Variants in CENPK observed in about 807,000 individuals in gnomAD.
The protein encoded by CENPK is SoxLZ/Sox6-binding protein Solt.
CENPK carries 46 observed loss-of-function variants against 40.9 expected under a neutral mutation model. That is an observed-to-expected ratio of 1.13 (90% CI 0.89 to 1.44). The LOEUF is 1.44. Ranked by LOEUF, CENPK falls within the 40% of genes most tolerant of loss-of-function variation. The probability of loss-of-function intolerance (pLI) is 0.00; values close to 1 mark genes in which losing one functional copy is unlikely to be tolerated. For missense variants in CENPK, 288 were observed against 303.5 expected (o/e 0.95, Z 0.38); for synonymous variants, 107 against 104.4 (o/e 1.02, Z -0.15).
chr5:65,521,624 G>T, intron 9 of CENPK, 96 bp from the exon 10 acceptor site: 1 of 870,704 alleles, frequency 1.1e-6, no homozygotes, highest in Non-Finnish European at 1.8e-6. Context: ...TTCTGAGACA[G>T]AGTTTCATTC....
At chr5:65,555,039 A>G (rs1271909121) in intron 2 of CENPK, 93 bp from the exon 3 acceptor site, 2 of 644,168 alleles carry the variant, frequency 3.1e-6, no homozygotes, top group African/African-American at 3.7e-5. Flanking sequence ...ATAGCAATGA[A>G]CAAAATAGAC....
chr5:65,496,127 G>A, the CENPK span, among the ~76,000 whole-genome samples: 1 of 152,152 alleles, frequency 6.6e-6, no homozygotes, highest in South Asian at 2.1e-4. Flanking sequence ...GCATGGTGGG[G>A]CACACCTGTA....
chr5:65,544,206 G>A (rs1344333849), intron 5 of CENPK, among the ~76,000 whole-genome samples: 1 of 152,208 alleles, frequency 6.6e-6, no homozygotes. Flanking sequence ...CTCACATAGT[G>A]GAAGGCAAAA....
chr5:65,551,192 A>G (rs1265077863), intron 5 of CENPK: 3 of 395,446 alleles, frequency 7.6e-6, no homozygotes, highest in African/African-American at 2.3e-5. Flanking sequence ...CGGGGCTGCA[A>G]TGAGCCATGA....
chr5:65,533,225 C>T (rs1746213223), intron 6 of CENPK, among the ~76,000 whole-genome samples: 1 of 151,784 alleles, frequency 6.6e-6, no homozygotes, highest in Non-Finnish European at 1.5e-5. Context: ...GTGACAGGTG[C>T]CTGTAATCCA....
At chr5:65,514,568 CAG>C (rs1418716776), downstream of CENPK, among the ~76,000 whole-genome samples, 4 of 152,030 alleles carry the variant, frequency 2.6e-5, no homozygotes, top group African/African-American at 7.2e-5. Flanking sequence ...CTCAGCCTCA[CAG>C]AGTGTGTTAA....
At chr5:65,539,116 T>A (rs1041789461) in intron 6 of CENPK, among the ~76,000 whole-genome samples, 1 of 152,232 alleles carries the variant, frequency 6.6e-6, no homozygotes, top group Non-Finnish European at 1.5e-5. Flanking sequence ...TTTAAAAACA[T>A]GACATTATTG....
chr5:65,544,809 T>C (rs998609799), intron 5 of CENPK, among the ~76,000 whole-genome samples: 6 of 152,214 alleles, frequency 3.9e-5, no homozygotes, highest in African/African-American at 1.2e-4. Context: ...GATTCCATTA[T>C]ATGAGGTATC....
chr5:65,560,835 T>C (rs1751834219), intron 2 of CENPK: 1 of 152,224 alleles, frequency 6.6e-6, no homozygotes, highest in Non-Finnish European at 1.5e-5. Flanking sequence ...AGAAGTTCTA[T>C]TCTTAGGAAT....
chr5:65,547,116 G>A (rs1237133726), intron 5 of CENPK, among the ~76,000 whole-genome samples: 1 of 152,232 alleles, frequency 6.6e-6, no homozygotes, highest in East Asian at 1.9e-4. Context: ...TTTGAGGCTG[G>A]GCGTGGTGGC....
intron 6 of CENPK, among the ~76,000 whole-genome samples, chr5:65,533,311 T>A (rs907260849): frequency 1.4e-5 from 2 of 146,392 alleles, no homozygotes; most frequent in Non-Finnish European, 3.0e-5. Flanking sequence ...GATCGTGCCA[T>A]TGCACTCCAG....
At chr5:65,535,627 G>A (rs773167237) in intron 6 of CENPK, among the ~76,000 whole-genome samples, 6 of 152,198 alleles carry the variant, frequency 3.9e-5, no homozygotes, top group Non-Finnish European at 7.3e-5. Flanking sequence ...TAGTTGCAGG[G>A]AGAATTAAGC....
At chr5:65,498,953 T>C in the CENPK span, among the ~76,000 whole-genome samples, 14 of 152,064 alleles carry the variant, frequency 9.2e-5, no homozygotes, top group Non-Finnish European at 1.9e-4. Flanking sequence ...GTCACATTTT[T>C]GCTCTTTCCT....
chr5:65,538,413 A>C (rs2150425082), intron 6 of CENPK, among the ~76,000 whole-genome samples: 2 of 152,276 alleles, frequency 1.3e-5, no homozygotes, highest in South Asian at 4.1e-4. Flanking sequence ...GGGACTCCAT[A>C]TATTATTACT....
At chr5:65,527,986 A>G (rs940268249) in intron 9 of CENPK, among the ~76,000 whole-genome samples, 1 of 152,066 alleles carries the variant, frequency 6.6e-6, no homozygotes, top group African/African-American at 2.4e-5. Context: ...CTAGCATCTA[A>G]TCGTCCCACT....
rs535908498 is a variant in CENPK, at chr5:65,548,422, A to G, written c.241+3142T>C. Among the ~76,000 whole-genome samples the G allele has an allele frequency of 1.2e-4, 19 of 152,172 alleles. No individual in the cohort carries two copies. The South Asian group carries it at 3.9e-3, about 32-fold the overall frequency. ...CTTATCTCAGTGTTAATGGCTGATG[A>G]CTGATCAGGTTAGTGGCTACTGAAG... On this transcript the variant is annotated intron_variant, in intron 5 of 10. Coordinates refer to ENST00000396679, the MANE Select transcript of CENPK (RefSeq NM_022145.5).
the CENPK span, among the ~76,000 whole-genome samples, chr5:65,505,019 TCCAGGTATAA>T: frequency 1.3e-5 from 2 of 152,160 alleles, no homozygotes; most frequent in East Asian, 3.8e-4. Context: ...AACCTTGAAC[TCCAGGTATAA>T]CCAATCCTCT....
chr5:65,560,735 G>A (rs1435737193), intron 2 of CENPK, among the ~76,000 whole-genome samples: 5 of 152,146 alleles, frequency 3.3e-5, no homozygotes, highest in African/African-American at 1.2e-4. Flanking sequence ...ATACTGGCAA[G>A]CATGTGAAAT....
intron 6 of CENPK, among the ~76,000 whole-genome samples, chr5:65,532,623 T>C (rs1469682873): frequency 2.0e-5 from 3 of 152,088 alleles, no homozygotes; most frequent in African/African-American, 7.2e-5. Flanking sequence ...GTATTTTTAG[T>C]AGAGATGGGA....
Sources: gnomAD v4.1 joint callset for allele counts (sites outside exome capture counted in the v4.1 genomes callset) on GRCh38, gnomAD v4.1.1 for gene constraint, MANE v1.5 for transcripts, NCBI Gene and HGNC (gene_info 2026-07-23, HGNC 2026-07-21) for gene names.